KCNIP4: variants seen among roughly 807,000 people sequenced by gnomAD.
The protein encoded by KCNIP4 is potassium voltage-gated channel interacting protein 4.
In KCNIP4, 12 loss-of-function variants were observed where a neutral mutation model predicts 34.0. The ratio of observed to expected loss-of-function variants is 0.35; its 90% CI spans 0.23 to 0.57. The LOEUF is 0.57. Ranked by LOEUF, KCNIP4 falls within the 20% of genes least tolerant of loss-of-function variation. KCNIP4 has a pLI of 0.83. For missense variants in KCNIP4, 238 were observed against 311.7 expected, an observed-to-expected ratio of 0.76 and a Z score of 1.78; for synonymous variants, 124 against 102.2, an observed-to-expected ratio of 1.21 and a Z score of -1.29.
intron 1 of KCNIP4, among the ~76,000 whole-genome samples, chr4:21,672,654 T>A (rs575176751): frequency 6.6e-6 from 1 of 152,350 alleles, no homozygotes; most frequent in Admixed American, 6.5e-5. Flanking sequence ...TCAGGAAGGC[T>A]CAGGTGACGA....
intron 1 of KCNIP4, among the ~76,000 whole-genome samples, chr4:21,460,421 G>T (rs1729354718): frequency 6.6e-6 from 1 of 152,002 alleles, no homozygotes; most frequent in Non-Finnish European, 1.5e-5. Flanking sequence ...TCTTAGCTCA[G>T]ATTGCCATAC....
At chr4:21,076,186 C>T (rs1232050259) in intron 1 of KCNIP4, among the ~76,000 whole-genome samples, 2 of 152,054 alleles carry the variant, frequency 1.3e-5, no homozygotes, top group African/African-American at 4.8e-5. Context: ...TGTTGACCTG[C>T]CTTGCTAGGT....
chr4:20,913,254 T>G (rs1228002459), intron 1 of KCNIP4, among the ~76,000 whole-genome samples: 1 of 151,600 alleles, frequency 6.6e-6, no homozygotes, highest in African/African-American at 2.4e-5. Flanking sequence ...AAATAAAAAA[T>G]AAAATAAAAT....
rs1347885485 is a variant in KCNIP4, at chr4:20,729,575, T to TTTAA, written c.*503_*506dup. On this transcript the variant is annotated 3_prime_UTR_variant, in exon 9 of 9. Coordinates refer to ENST00000382152, the MANE Select transcript of KCNIP4 (RefSeq NM_025221.6). ...CATAGAAACTGGAACTATGTGTTTT[T>TTTAA]TTAATTGTTGTAATCTTGTTTCCTT... is the stretch of plus-strand genomic sequence containing the variant. 6.4e-5 allele frequency: 9 copies of TTTAA among 141,084 alleles called. No individual in the cohort carries two copies. Among genetic ancestry groups the TTTAA allele is most frequent in the African/African-American group, 2.2e-4 (8 of 36,538 alleles). 8.7% of individuals were successfully genotyped at this position (141,084 alleles called of 1,614,324 possible). A position where few individuals can be genotyped will look rare whatever the true frequency, so the allele number is the denominator to read the frequency against.
chr4:21,529,990 A>C (rs1736539387), intron 1 of KCNIP4, among the ~76,000 whole-genome samples: 1 of 152,180 alleles, frequency 6.6e-6, no homozygotes, highest in African/African-American at 2.4e-5. Flanking sequence ...GTGGTAAATA[A>C]TAGCTAGCAC....
At chr4:21,793,564 G>C (rs1459088428) in intron 1 of KCNIP4, among the ~76,000 whole-genome samples, 2 of 152,110 alleles carry the variant, frequency 1.3e-5, no homozygotes, top group Admixed American at 6.5e-5. Context: ...GGCCTGACAA[G>C]TAGTTTTTTC....
At chr4:20,781,687 C>T (rs915940674) in intron 3 of KCNIP4, among the ~76,000 whole-genome samples, 12 of 152,080 alleles carry the variant, frequency 7.9e-5, no homozygotes, top group Admixed American at 2.0e-4. Context: ...CCATTGGGTC[C>T]CTCCTACAAC....
intron 1 of KCNIP4, among the ~76,000 whole-genome samples, chr4:21,322,348 CAGA>C (rs544597545): frequency 7.2e-5 from 11 of 152,244 alleles, no homozygotes; most frequent in Middle Eastern, 3.4e-3. Flanking sequence ...ACAACTAAAT[CAGA>C]AGGAGACAGT....
At chr4:20,792,674 T>C (rs1192664491) in intron 3 of KCNIP4, among the ~76,000 whole-genome samples, 3 of 152,172 alleles carry the variant, frequency 2.0e-5, no homozygotes, top group East Asian at 1.9e-4. Flanking sequence ...ATATTGTCCA[T>C]AATGAAGATA....
chr4:21,291,873 AAGAAAGAAAG>A (rs1763515999), intron 1 of KCNIP4, among the ~76,000 whole-genome samples: 4 of 18,154 alleles, frequency 2.2e-4, no homozygotes, highest in Admixed American at 1.4e-3. Context: ...AAAAAAAAGA[AAGAAAGAAAG>A]AAAGAAAGAA....
rs148475067 is a variant in KCNIP4 at position 21,350,028 on chromosome 4, C to T, written c.62-467319G>A. On this transcript the variant is annotated intron_variant, in intron 1 of 8. Transcript: ENST00000382152. ...TGCCTTTAACTCTACCTCCTTCTTT[C>T]TCTCAATAACATGTACCTAAATGAA... 3.4e-3 allele frequency among the ~76,000 whole-genome samples: 522 copies of T among 152,236 alleles called. 2 individuals are homozygous for T. The highest frequency in any genetic ancestry group is 0.012 in the African/African-American group (503 of 41,546).
At chr4:20,861,371 A>T (rs1001175951) in intron 2 of KCNIP4, among the ~76,000 whole-genome samples, 4 of 152,176 alleles carry the variant, frequency 2.6e-5, no homozygotes, top group Non-Finnish European at 4.4e-5. Flanking sequence ...GAGAGTATAG[A>T]AGCAATTAAT....
intron 1 of KCNIP4, among the ~76,000 whole-genome samples, chr4:21,074,552 C>T (rs188531104): frequency 1.3e-5 from 2 of 152,120 alleles, no homozygotes; most frequent in East Asian, 3.9e-4. Flanking sequence ...GTCTTGCTAG[C>T]GCTCTATTAA....
intron 1 of KCNIP4, among the ~76,000 whole-genome samples, chr4:21,556,028 T>G (rs1197628704): frequency 3.3e-5 from 5 of 152,148 alleles, no homozygotes; most frequent in Non-Finnish European, 5.9e-5. Flanking sequence ...ATCTTTTGGT[T>G]TTTTGTGCCT....
At chr4:21,503,696 G>A (rs1316014357) in intron 1 of KCNIP4, among the ~76,000 whole-genome samples, 1 of 152,160 alleles carries the variant, frequency 6.6e-6, no homozygotes, top group Non-Finnish European at 1.5e-5. Context: ...AAAAGTGACT[G>A]ATAGAAGGAT....
chr4:21,518,468 C>T (rs1734954470), intron 1 of KCNIP4, among the ~76,000 whole-genome samples: 1 of 152,052 alleles, frequency 6.6e-6, no homozygotes, highest in Non-Finnish European at 1.5e-5. Context: ...GGAGATGCAG[C>T]GGGTGAAGGT....
intron 1 of KCNIP4, among the ~76,000 whole-genome samples, chr4:21,189,016 G>C (rs1420700500): frequency 6.6e-6 from 1 of 152,008 alleles, no homozygotes; most frequent in African/African-American, 2.4e-5. Context: ...TGCATACTTG[G>C]GCAAAATTCT....
intron 1 of KCNIP4, among the ~76,000 whole-genome samples, chr4:21,788,451 T>C (rs1379032002): frequency 2.0e-5 from 3 of 152,198 alleles, no homozygotes; most frequent in Admixed American, 2.0e-4. Context: ...TTATGAGGAA[T>C]GCAAAGAAAT....
intron 1 of KCNIP4, among the ~76,000 whole-genome samples, chr4:21,393,197 A>C (rs1031224080): frequency 6.6e-6 from 1 of 152,226 alleles, no homozygotes; most frequent in Admixed American, 6.5e-5. Context: ...TCAAATGTCC[A>C]TCAGAATAGA....
Sources: allele counts gnomAD v4.1 joint callset (sites outside exome capture counted in the v4.1 genomes callset), GRCh38; gene constraint gnomAD v4.1.1; transcripts MANE v1.5; gene names NCBI Gene and HGNC (gene_info 2026-07-23, HGNC 2026-07-21).